CDH12: variants seen among roughly 807,000 people sequenced by gnomAD.
CDH12 encodes the protein cadherin-12.
In CDH12, 41 loss-of-function variants were observed where a neutral mutation model predicts 74.1. The observed-to-expected ratio is 0.55, with a 90% CI of 0.43 to 0.72. The LOEUF (loss-of-function observed/expected upper bound fraction) is 0.72, where lower values mean the gene tolerates loss of function less well. Among genes scored for constraint, CDH12 ranks in the 30% least tolerant of loss-of-function variants. CDH12 has a pLI of 0.00. For missense variants in CDH12, 945 were observed against 977.2 expected, an observed-to-expected ratio of 0.97 and a Z score of 0.44; for synonymous variants, 399 against 355.0, an observed-to-expected ratio of 1.12 and a Z score of -1.39.
intron 1 of CDH12, among the ~76,000 whole-genome samples, chr5:22,724,074 A>G (rs1425402158): frequency 6.6e-6 from 1 of 151,862 alleles, no homozygotes; most frequent in Admixed American, 6.6e-5. Flanking sequence ...CAATTGCAAA[A>G]GATGGGCTGT....
intron 1 of CDH12, among the ~76,000 whole-genome samples, chr5:22,626,925 T>TA (rs1554054862): frequency 2.6e-5 from 4 of 151,794 alleles, no homozygotes; most frequent in Admixed American, 2.0e-4. Flanking sequence ...TGAGAGAACT[T>TA]AAAAAAAACA....
At chr5:21,994,243 T>C (rs1304733632) in intron 5 of CDH12, among the ~76,000 whole-genome samples, 3 of 152,098 alleles carry the variant, frequency 2.0e-5, no homozygotes, top group East Asian at 1.9e-4. Context: ...GACAACGTAA[T>C]AGAGTCCCTT....
intron 4 of CDH12, among the ~76,000 whole-genome samples, chr5:22,083,122 T>C (rs758791811): frequency 2.6e-5 from 4 of 152,238 alleles, no homozygotes; most frequent in Non-Finnish European, 4.4e-5. Flanking sequence ...TTTTGCAGAA[T>C]GCAGAGCTTT....
Position 21,939,238 on chromosome 5 carries a change from C to A in CDH12, c.526+35853G>T, listed in dbSNP as rs561568630. 2.5e-3 allele frequency among the ~76,000 whole-genome samples: 371 copies of A among 150,288 alleles called. 2 individuals are homozygous for A. Among genetic ancestry groups the A allele is most frequent in the African/African-American group, 8.5e-3 (351 of 41,170 alleles). On this transcript the variant is annotated intron_variant, in intron 6 of 14. Coordinates refer to ENST00000382254, the MANE Select transcript of CDH12 (RefSeq NM_004061.5). ...CTTCTATATATATATATAAAATTAT[C>A]AAAAAAAGACTGAATTATAATACAT...
chr5:22,698,062 T>C (rs981464293), intron 1 of CDH12, among the ~76,000 whole-genome samples: 16 of 151,806 alleles, frequency 1.1e-4, no homozygotes, highest in African/African-American at 3.9e-4. Context: ...TGAACTCATT[T>C]TATATTTTAG....
chr5:22,116,413 A>T (rs1179981738), intron 4 of CDH12, among the ~76,000 whole-genome samples: 3 of 152,114 alleles, frequency 2.0e-5, no homozygotes, highest in South Asian at 2.1e-4. Context: ...AGACCATCTT[A>T]GCTAACACAG....
At chr5:22,245,692 A>C (rs1752921927) in intron 3 of CDH12, among the ~76,000 whole-genome samples, 1 of 151,880 alleles carries the variant, frequency 6.6e-6, no homozygotes, top group Non-Finnish European at 1.5e-5. Flanking sequence ...TCTGTAGTTC[A>C]TACATATATA....
intron 1 of CDH12, among the ~76,000 whole-genome samples, chr5:22,638,134 G>A (rs1738936873): frequency 6.6e-6 from 1 of 152,184 alleles, no homozygotes; most frequent in African/African-American, 2.4e-5. Context: ...TCATGTATTA[G>A]ACTTCTCTAG....
At chr5:21,981,583 G>T (rs116409146) in intron 5 of CDH12, among the ~76,000 whole-genome samples, 2 of 151,966 alleles carry the variant, frequency 1.3e-5, no homozygotes, top group Admixed American at 6.6e-5. Flanking sequence ...ACACCTTTAC[G>T]CTTCCCCTTA....
chr5:22,254,422 A>G (rs541501737), intron 3 of CDH12, among the ~76,000 whole-genome samples: 1 of 151,994 alleles, frequency 6.6e-6, no homozygotes, highest in East Asian at 1.9e-4. Context: ...CTTAGGACAA[A>G]CACATCAGAA....
intron 1 of CDH12, among the ~76,000 whole-genome samples, chr5:22,633,622 G>A (rs1479603050): frequency 1.3e-5 from 2 of 152,136 alleles, no homozygotes; most frequent in African/African-American, 4.8e-5. Flanking sequence ...AAAAGGTGGA[G>A]GAATGTTAAA....
intron 1 of CDH12, among the ~76,000 whole-genome samples, chr5:22,575,085 C>G (rs1293510118): frequency 1.3e-5 from 2 of 152,084 alleles, no homozygotes; most frequent in Non-Finnish European, 2.9e-5. Flanking sequence ...CTATCTAGGA[C>G]AGCAGGTAGA....
At chr5:21,996,535 G>A (rs1736311941) in intron 5 of CDH12, among the ~76,000 whole-genome samples, 1 of 152,114 alleles carries the variant, frequency 6.6e-6, no homozygotes, top group South Asian at 2.1e-4. Flanking sequence ...CATAGAGCAA[G>A]TTAATTACAG....
intron 1 of CDH12, among the ~76,000 whole-genome samples, chr5:22,743,260 T>TTATATATATATA (rs71609778): frequency 2.4e-4 from 22 of 90,428 alleles, no homozygotes; most frequent in East Asian, 3.2e-4. Context: ...AGCATGGAGA[T>TTATATATATATA]TATATATATA....
intron 3 of CDH12, among the ~76,000 whole-genome samples, chr5:22,373,303 C>T (rs1441703400): frequency 1.3e-5 from 2 of 152,196 alleles, no homozygotes; most frequent in South Asian, 2.1e-4. Flanking sequence ...ACCTGCCCAG[C>T]CCATTGCAGC....
chr5:22,059,351 CTA>C (rs1741013807), intron 5 of CDH12, among the ~76,000 whole-genome samples: 1 of 104,604 alleles, frequency 9.6e-6, no homozygotes, highest in African/African-American at 6.2e-5. Flanking sequence ...ATCTATCTAT[CTA>C]TCTATCTATC....
At chr5:21,924,468 A>C (rs1265718894) in intron 6 of CDH12, among the ~76,000 whole-genome samples, 2 of 152,122 alleles carry the variant, frequency 1.3e-5, no homozygotes, top group Non-Finnish European at 2.9e-5. Flanking sequence ...GTGAACTGAG[A>C]TTGTGCCATT....
intron 1 of CDH12, among the ~76,000 whole-genome samples, chr5:22,779,305 T>A (rs1217039756): frequency 1.3e-5 from 2 of 152,112 alleles, no homozygotes; most frequent in Non-Finnish European, 2.9e-5. Context: ...AAAAATATTT[T>A]CACTATAAAC....
intron 2 of CDH12, among the ~76,000 whole-genome samples, chr5:22,451,904 A>C (rs1293917418): frequency 6.6e-6 from 1 of 151,936 alleles, no homozygotes; most frequent in Non-Finnish European, 1.5e-5. Context: ...TCAACATATA[A>C]AAATCAATAG....
Sources: allele counts gnomAD v4.1 joint callset (sites outside exome capture counted in the v4.1 genomes callset), GRCh38; gene constraint gnomAD v4.1.1; transcripts MANE v1.5; gene names NCBI Gene and HGNC (gene_info 2026-07-23, HGNC 2026-07-21).